Variants in ZNF547 observed in about 807,000 individuals in gnomAD.
The protein encoded by ZNF547 is zinc finger protein 547.
ZNF547 carries 4 observed loss-of-function variants against 7.7 expected under a neutral mutation model. The ratio of observed to expected loss-of-function variants is 0.52; its 90% CI spans 0.26 to 1.20. The LOEUF is 1.20. ZNF547 is among the 50% of genes most tolerant of loss of function. The pLI, the probability that ZNF547 is intolerant of heterozygous loss-of-function variation, is 0.14. For missense variants in ZNF547, 449 were observed against 485.8 expected, an observed-to-expected ratio of 0.92 and a Z score of 0.71; for synonymous variants, 166 against 166.2, an observed-to-expected ratio of 1.00 and a Z score of 0.01.
At chr19:57,373,949 G>C (rs1052624258) in intron 3 of ZNF547, among the ~76,000 whole-genome samples, 1 of 152,180 alleles carries the variant, frequency 6.6e-6, no homozygotes, top group South Asian at 2.1e-4. Context: ...CCATTCTGGG[G>C]ACTGGAGGAC....
At chr19:57,365,203 A>T (rs761604967) in intron 1 of ZNF547, 2 of 1,588,924 alleles carry the variant, frequency 1.3e-6, no homozygotes, top group Non-Finnish European at 1.7e-6. Context: ...TATTCGATCA[A>T]GTGCATTTGA....
chr19:57,371,545 C>T (rs73634628), intron 2 of ZNF547: 8,757 of 533,502 alleles, frequency 0.016, 105 homozygotes, highest in African/African-American at 0.05. Flanking sequence ...CCTAGTTGTG[C>T]AGTACCTGTC....
At chr19:57,364,100 G>A (rs1038402911) in intron 1 of ZNF547, 9 of 152,736 alleles carry the variant, frequency 5.9e-5, no homozygotes, top group African/African-American at 1.9e-4. Context: ...ACCCAGAAGA[G>A]GCCACTGCAG....
Position 57,371,765 on chromosome 19 carries a change from C to T in ZNF547, c.25-17C>T, listed in dbSNP as rs2088505766. 3.1e-6 allele frequency: 5 copies of T among 1,602,036 alleles called. No individual in the cohort carries two copies. Among genetic ancestry groups the T allele is most frequent in the Non-Finnish European group, 4.3e-6 (5 of 1,176,078 alleles). On this transcript the variant is annotated splice_polypyrimidine_tract_variant and intron_variant, in intron 2 of 3. Transcript: ENST00000282282. ...TTTGAAAAGCTGCTCATGTATTCAT[C>T]TTTCCCAATTTGGCAGGGTCATGTG...
intron 2 of ZNF547, chr19:57,370,829 C>T (rs1285658196): frequency 6.6e-6 from 1 of 152,194 alleles, no homozygotes; most frequent in African/African-American, 2.4e-5. Flanking sequence ...TCACTCATGC[C>T]ACCTGGATGT....
At chr19:57,375,245 G>A (rs2088528814) in intron 3 of ZNF547, among the ~76,000 whole-genome samples, 1 of 152,054 alleles carries the variant, frequency 6.6e-6, no homozygotes, top group African/African-American at 2.4e-5. Context: ...AGCTACTCGG[G>A]AGGCTGAAGC....
chr19:57,364,740 C>CA (rs1259411482), intron 1 of ZNF547: 13 of 1,079,052 alleles, frequency 1.2e-5, no homozygotes, highest in African/African-American at 3.1e-5. Context: ...GATTCCGTGT[C>CA]AAAAAAAGGT....
intron 1 of ZNF547, 71 bp from the exon 2 acceptor site, chr19:57,368,473 A>G: frequency 1.4e-6 from 2 of 1,438,696 alleles, no homozygotes; most frequent in African/African-American, 1.4e-5. Flanking sequence ...GGAAGAAGAG[A>G]TGGTGGTCCA....
chr19:57,364,942 C>A (rs1303426184), intron 1 of ZNF547: 8 of 1,613,124 alleles, frequency 5.0e-6, no homozygotes, highest in Non-Finnish European at 3.4e-6. Context: ...CCATCGTCAT[C>A]TGAACCAGTT....
In ZNF547 at chr19:57,377,536, G is replaced by A. The variant is rs750971837; in HGVS notation, c.560G>A (p.Ser187Asn). 2 of 1,614,062 alleles carry A rather than the reference G, an allele frequency of 1.2e-6. No individual in the cohort carries two copies. Among genetic ancestry groups the A allele is most frequent in the African/African-American group, 2.7e-5 (2 of 74,928 alleles). ...IHTGERTYKCSKCGILFMERS... is the reference protein window; with the variant it reads ...IHTGERTYKCNKCGILFMERS... The stretch of plus-strand genomic sequence containing the variant: ...ACTGGAGAAAGAACTTATAAGTGCA[G>A]CAAATGTGGGATATTGTTTATGGAA... Residue 187 changes from serine to asparagine, a missense_variant, in exon 4 of 4, where the codon AGC becomes AAC. Ser to Asn is a conservative substitution (Grantham distance 46). Coordinates refer to ENST00000282282, the MANE Select transcript of ZNF547 (RefSeq NM_173631.4).
intron 2 of ZNF547, among the ~76,000 whole-genome samples, chr19:57,370,668 G>C (rs1379753424): frequency 6.6e-6 from 1 of 152,164 alleles, no homozygotes; most frequent in Non-Finnish European, 1.5e-5. Context: ...TGGTTGTCTT[G>C]GGAGGCAAGA....
intron 2 of ZNF547, among the ~76,000 whole-genome samples, chr19:57,371,424 T>C (rs78017868): frequency 0.021 from 3,124 of 152,300 alleles, 116 homozygotes; most frequent in African/African-American, 0.071. Flanking sequence ...GTGAGTTTAG[T>C]TTAGTCCACA....
At chr19:57,368,481 C>A in intron 1 of ZNF547, 63 bp from the exon 2 acceptor site, 2 of 1,524,158 alleles carry the variant, frequency 1.3e-6, no homozygotes, top group Non-Finnish European at 1.8e-6. Context: ...AGATGGTGGT[C>A]CAACTCTGCC....
intron 1 of ZNF547, 111 bp downstream of exon 1, chr19:57,363,814 CGTTCCTGTGTGGGGTCCCCGTATCAGCTG>C (rs1255163687): frequency 6.7e-6 from 1 of 149,026 alleles, no homozygotes; most frequent in East Asian, 2.1e-4. Flanking sequence ...AAGAGAGGGG[CGTTCCTGTGTGGGGTCCCCGTATCAGCTG>C]GTTTGATGCA....
chr19:57,378,363 A>G lies in ZNF547; in HGVS notation c.*178A>G, dbSNP rs771166533. 18 of 726,250 alleles carry G rather than the reference A, an allele frequency of 2.5e-5. No individual in the cohort carries two copies. The highest frequency in any genetic ancestry group is 1.4e-4 in the Admixed American group (7 of 48,320). 45.0% of individuals were successfully genotyped at this position (726,250 alleles called of 1,614,324 possible). ...CACACTGCAGAAATGTGTGTTCAGC[A>G]AACTCGGGACATTATTTTGGTTTGA... On this transcript the variant is annotated 3_prime_UTR_variant, in exon 4 of 4. Transcript: ENST00000282282.
chr19:57,374,683 A>G (rs572813709), intron 3 of ZNF547, among the ~76,000 whole-genome samples: 3 of 152,270 alleles, frequency 2.0e-5, no homozygotes, highest in East Asian at 3.9e-4. Flanking sequence ...ACCCTAAATC[A>G]TCTCTCTCAA....
At chr19:57,363,770 A>G (rs887157159) in intron 1 of ZNF547, 67 bp downstream of exon 1, 1 of 147,728 alleles carries the variant, frequency 6.8e-6, no homozygotes, top group African/African-American at 2.5e-5. Context: ...TGAAGCCCAT[A>G]GAAGGGGCCC....
chr19:57,365,174 T>A (rs2088457744), intron 1 of ZNF547: 6 of 1,593,992 alleles, frequency 3.8e-6, no homozygotes, highest in Non-Finnish European at 3.4e-6. Context: ...ATGAATCCAT[T>A]TTATGAACCC....
In ZNF547 at chr19:57,378,288, G is replaced by T; in HGVS notation, c.*103G>T. ...TGGAGAAAGACTGAATGCCGTGAAC[G>T]TGGGTAATTATGTAGGTACAGCTCT... On this transcript the variant is annotated 3_prime_UTR_variant, in exon 4 of 4. Transcript: ENST00000282282. The T allele has an allele frequency of 9.3e-7, 1 of 1,080,956 alleles. No homozygotes were observed. Among genetic ancestry groups the T allele is most frequent in the Non-Finnish European group, 1.4e-6 (1 of 739,038 alleles). 67.0% of individuals were successfully genotyped at this position (1,080,956 alleles called of 1,614,324 possible). A position where few individuals can be genotyped will look rare whatever the true frequency, so the allele number is the denominator to read the frequency against.
Sources: allele counts gnomAD v4.1 joint callset (sites outside exome capture counted in the v4.1 genomes callset), GRCh38; gene constraint gnomAD v4.1.1; transcripts MANE v1.5; gene names NCBI Gene and HGNC (gene_info 2026-07-23, HGNC 2026-07-21).